UVRAG: variants seen among roughly 807,000 people sequenced by gnomAD.
UVRAG encodes UV radiation resistance-associated gene protein.
In UVRAG, 19 loss-of-function variants were observed where a neutral mutation model predicts 78.0. The ratio of observed to expected loss-of-function variants is 0.24; its 90% CI spans 0.17 to 0.36. The LOEUF (loss-of-function observed/expected upper bound fraction) is 0.36, where lower values mean the gene tolerates loss of function less well. UVRAG is among the 10% of genes least tolerant of loss of function. The pLI is 1.00. For synonymous variants in UVRAG, 323 were observed against 324.6 expected (o/e 1.00, Z 0.05); for missense variants, 740 against 853.8 (o/e 0.87, Z 1.66).
chr11:75,868,784 C>A (rs1006615059), intron 3 of UVRAG, among the ~76,000 whole-genome samples: 1 of 152,186 alleles, frequency 6.6e-6, no homozygotes, highest in Admixed American at 6.5e-5. Flanking sequence ...ATATTGCAAA[C>A]CCACATCTGC....
At chr11:75,990,220 T>G (rs962582068) in intron 8 of UVRAG, among the ~76,000 whole-genome samples, 3 of 152,204 alleles carry the variant, frequency 2.0e-5, no homozygotes, top group Non-Finnish European at 2.9e-5. Flanking sequence ...GAACAGGCTT[T>G]GATTCAGAAT....
At chr11:75,914,214 C>T (rs763749892) in intron 6 of UVRAG, 1 of 152,140 alleles carries the variant, frequency 6.6e-6, no homozygotes, top group Admixed American at 6.5e-5. Context: ...TCCTCTTTTC[C>T]CATAGTGTTT....
Position 75,853,187 on chromosome 11 carries a change from A to G in UVRAG, c.235+1187A>G, listed in dbSNP as rs975227843. Among the ~76,000 whole-genome samples the G allele has an allele frequency of 2.6e-5, 4 of 152,126 alleles. 1 individual carries two copies. The highest frequency in any genetic ancestry group is 4.4e-5 in the Non-Finnish European group (3 of 68,022). ...CCCAGCCTCCCAAAGTGCTGGGATT[A>G]TAGGTATGAGCCACTGTCCCTAACC... On this transcript the variant is annotated intron_variant, in intron 2 of 14. Transcript: ENST00000356136.
chr11:75,925,188 G>A lies in UVRAG; in HGVS notation c.593+13149G>A, dbSNP rs940371402. On this transcript the variant is annotated intron_variant, in intron 6 of 14. Transcript: ENST00000356136. ...ACTTCTACATTCCCGCTGGTGCCAG[G>A]CATGTTCCAAGGCAGCATTCCAAGG... Among the ~76,000 whole-genome samples the A allele has an allele frequency of 3.9e-5, 6 of 152,142 alleles. No homozygotes were observed. In the South Asian group the frequency reaches 1.2e-3, roughly 32 times the overall value.
At chr11:76,003,441 G>C (rs935547290) in intron 8 of UVRAG, among the ~76,000 whole-genome samples, 1 of 151,498 alleles carries the variant, frequency 6.6e-6, no homozygotes, top group South Asian at 2.1e-4. Context: ...GGCTGGTCTC[G>C]AACTCCTGAC....
At chr11:75,842,515 C>T (rs1945939079) in intron 1 of UVRAG, among the ~76,000 whole-genome samples, 1 of 149,438 alleles carries the variant, frequency 6.7e-6, no homozygotes, top group African/African-American at 2.5e-5. Context: ...GATCACGGCT[C>T]ACTGCAACCT....
chr11:75,994,277 G>A (rs1488947283), intron 8 of UVRAG, among the ~76,000 whole-genome samples: 1 of 152,140 alleles, frequency 6.6e-6, no homozygotes, highest in Non-Finnish European at 1.5e-5. Context: ...CAGTTAAAAA[G>A]TGCTTATACA....
At chr11:76,010,417 G>C (rs1950029465) in intron 11 of UVRAG, among the ~76,000 whole-genome samples, 1 of 152,132 alleles carries the variant, frequency 6.6e-6, no homozygotes, top group African/African-American at 2.4e-5. Context: ...AACTGCTTTA[G>C]ATAAAGCAGT....
chr11:76,133,401 T>C (rs148390460), intron 14 of UVRAG, among the ~76,000 whole-genome samples: 10 of 152,232 alleles, frequency 6.6e-5, no homozygotes, highest in Non-Finnish European at 1.0e-4. Context: ...GGTGCTTTCT[T>C]AACTTGTTTT....
chr11:75,860,603 G>A (rs1220899985), intron 2 of UVRAG, among the ~76,000 whole-genome samples: 4 of 152,168 alleles, frequency 2.6e-5, no homozygotes, highest in African/African-American at 9.6e-5. Context: ...GTCAGTTAAT[G>A]GTTGGAATAA....
chr11:76,065,629 A>G, intron 12 of UVRAG, 81 bp from the exon 13 acceptor site: 1 of 1,288,242 alleles, frequency 7.8e-7, no homozygotes. Context: ...TGTATCTAAG[A>G]AACTTCAGCC....
intron 1 of UVRAG, among the ~76,000 whole-genome samples, chr11:75,817,566 A>G (rs1945286168): frequency 6.6e-6 from 1 of 152,166 alleles, no homozygotes; most frequent in South Asian, 2.1e-4. Flanking sequence ...AAGCACTTTT[A>G]CTTTTGCAGT....
At chr11:75,877,582 G>C (rs192957433) in intron 3 of UVRAG, among the ~76,000 whole-genome samples, 4 of 143,898 alleles carry the variant, frequency 2.8e-5, no homozygotes, top group South Asian at 4.4e-4. Flanking sequence ...CCTCCCTCCC[G>C]TACGGGTCGG....
At chr11:76,017,121 A>G (rs1004211691) in intron 12 of UVRAG, 141 bp downstream of exon 12, 1 of 542,774 alleles carries the variant, frequency 1.8e-6, no homozygotes, top group African/African-American at 2.0e-5. Context: ...TTTAAATCAA[A>G]TGTAGTTATT....
intron 3 of UVRAG, among the ~76,000 whole-genome samples, chr11:75,867,095 G>C (rs1337592216): frequency 1.3e-5 from 2 of 152,144 alleles, no homozygotes; most frequent in African/African-American, 2.4e-5. Flanking sequence ...ACAGATATTT[G>C]CTTCTCTAAT....
chr11:76,044,931 AAATCTAAG>A (rs1174262472), intron 12 of UVRAG, among the ~76,000 whole-genome samples: 5 of 152,194 alleles, frequency 3.3e-5, no homozygotes, highest in Admixed American at 3.3e-4. Flanking sequence ...GGAAAAATGA[AAATCTAAG>A]AGCTCGCAAG....
intron 5 of UVRAG, among the ~76,000 whole-genome samples, chr11:75,890,315 A>G (rs889909853): frequency 2.7e-4 from 41 of 152,246 alleles, no homozygotes. Context: ...GGAGGATCTT[A>G]CAGTATACCA....
intron 2 of UVRAG, among the ~76,000 whole-genome samples, chr11:75,858,451 T>C (rs1946341122): frequency 6.6e-6 from 1 of 152,222 alleles, no homozygotes; most frequent in South Asian, 2.1e-4. Flanking sequence ...CCCTGTATTT[T>C]GTTTTTTTCT....
At chr11:75,949,696 T>C (rs920974020) in intron 6 of UVRAG, among the ~76,000 whole-genome samples, 2 of 139,894 alleles carry the variant, frequency 1.4e-5, no homozygotes, top group Admixed American at 6.9e-5. Flanking sequence ...AAAATACATA[T>C]ATATATATAT....
Sources: gnomAD v4.1 joint callset for allele counts (sites outside exome capture counted in the v4.1 genomes callset) on GRCh38, gnomAD v4.1.1 for gene constraint, MANE v1.5 for transcripts, NCBI Gene and HGNC (gene_info 2026-07-23, HGNC 2026-07-21) for gene names.